Variants in NPAS3 observed in about 807,000 individuals in gnomAD.
NPAS3 encodes neuronal PAS domain-containing protein 3.
NPAS3 carries 14 observed loss-of-function variants against 73.1 expected under a neutral mutation model. The observed-to-expected ratio is 0.19, with a 90% CI of 0.13 to 0.30. The LOEUF (loss-of-function observed/expected upper bound fraction) is 0.30, where lower values mean the gene tolerates loss of function less well. Among genes scored for constraint, NPAS3 ranks in the 10% least tolerant of loss-of-function variants. The probability of loss-of-function intolerance (pLI) is 1.00; values close to 1 mark genes in which losing one functional copy is unlikely to be tolerated. For synonymous variants in NPAS3, 620 were observed against 541.5 expected, an observed-to-expected ratio of 1.14 and a Z score of -2.01; for missense variants, 1,096 against 1,250.0, an observed-to-expected ratio of 0.88 and a Z score of 1.86.
intron 4 of NPAS3, among the ~76,000 whole-genome samples, chr14:33,445,517 G>A (rs1157974038): frequency 2.0e-5 from 3 of 152,110 alleles, no homozygotes; most frequent in Non-Finnish European, 4.4e-5. Flanking sequence ...AGCCAGATGA[G>A]TGAAATATAA....
intron 7 of NPAS3, among the ~76,000 whole-genome samples, chr14:33,741,041 A>G (rs2061643721): frequency 6.6e-6 from 1 of 152,104 alleles, no homozygotes; most frequent in Non-Finnish European, 1.5e-5. Flanking sequence ...TAATGTAGGG[A>G]GCAATGTGGT....
At chr14:33,450,401 T>TCATAATC (rs1178826235) in intron 4 of NPAS3, among the ~76,000 whole-genome samples, 12 of 152,190 alleles carry the variant, frequency 7.9e-5, no homozygotes, top group Non-Finnish European at 1.6e-4. Flanking sequence ...GCAAAGTGAC[T>TCATAATC]CATAATCCAT....
chr14:33,528,014 A>G (rs1343125752), intron 4 of NPAS3, among the ~76,000 whole-genome samples: 2 of 152,250 alleles, frequency 1.3e-5, no homozygotes, highest in East Asian at 3.9e-4. Context: ...CCTTTTTATC[A>G]GTAAACCATA....
intron 4 of NPAS3, among the ~76,000 whole-genome samples, chr14:33,437,753 T>G (rs1257042783): frequency 1.3e-5 from 2 of 152,222 alleles, no homozygotes; most frequent in Non-Finnish European, 2.9e-5. Flanking sequence ...CATTATGGAC[T>G]AGTATATTCA....
intron 2 of NPAS3, among the ~76,000 whole-genome samples, chr14:33,132,047 T>C (rs2043656963): frequency 6.6e-6 from 1 of 152,148 alleles, no homozygotes; most frequent in African/African-American, 2.4e-5. Context: ...AGAGCCATTA[T>C]TTAAGTGGTT....
chr14:33,423,530 T>G (rs1183326124), intron 4 of NPAS3, among the ~76,000 whole-genome samples: 1 of 152,010 alleles, frequency 6.6e-6, no homozygotes, highest in Non-Finnish European at 1.5e-5. Flanking sequence ...AATATCCATT[T>G]TATTTGTTAT....
intron 1 of NPAS3, among the ~76,000 whole-genome samples, chr14:32,994,626 G>GTTTTTT (rs1382696309): frequency 8.2e-6 from 1 of 121,498 alleles, no homozygotes; most frequent in South Asian, 2.6e-4. Context: ...TTGTTTGTTT[G>GTTTTTT]TTTGTTTTTG....
chr14:33,484,748 G>A (rs1042170193), intron 4 of NPAS3, among the ~76,000 whole-genome samples: 9 of 152,136 alleles, frequency 5.9e-5, no homozygotes, highest in South Asian at 4.1e-4. Flanking sequence ...AAAGATTCTC[G>A]TGCCAGAGAT....
intron 1 of NPAS3, among the ~76,000 whole-genome samples, chr14:33,048,079 G>C (rs2040572641): frequency 1.3e-5 from 2 of 151,990 alleles, no homozygotes; most frequent in Admixed American, 1.3e-4. Flanking sequence ...TTGAACTTGG[G>C]GTCAGAAGAG....
At chr14:33,160,726 T>C (rs1377855912) in intron 2 of NPAS3, among the ~76,000 whole-genome samples, 1 of 150,800 alleles carries the variant, frequency 6.6e-6, no homozygotes, top group East Asian at 2.1e-4. Context: ...ATTCTGTTTT[T>C]ATTTATTTAC....
At chr14:33,068,242 T>G (rs1227956551) in intron 2 of NPAS3, among the ~76,000 whole-genome samples, 6 of 152,234 alleles carry the variant, frequency 3.9e-5, no homozygotes, top group Non-Finnish European at 7.3e-5. Context: ...GCTTAGTGTT[T>G]AAAACTTACC....
intron 4 of NPAS3, among the ~76,000 whole-genome samples, chr14:33,522,174 A>T (rs939553662): frequency 6.6e-6 from 1 of 152,220 alleles, no homozygotes; most frequent in Non-Finnish European, 1.5e-5. Flanking sequence ...ATAAACGTAT[A>T]GGCAGACAAA....
chr14:33,240,323 A>G (rs930973901), intron 3 of NPAS3, among the ~76,000 whole-genome samples: 1 of 151,796 alleles, frequency 6.6e-6, no homozygotes, highest in African/African-American at 2.4e-5. Context: ...AAATGTTTAT[A>G]TTAAGCTAAT....
At chr14:33,725,130 A>G (rs8010029) in intron 6 of NPAS3, among the ~76,000 whole-genome samples, 108,804 of 152,030 alleles carry the variant, frequency 0.72, 39,715 homozygotes, top group Admixed American at 0.81. Flanking sequence ...TCCCCTAACA[A>G]TGTCTAATAA....
intron 5 of NPAS3, among the ~76,000 whole-genome samples, chr14:33,652,733 G>A (rs769674131): frequency 1.3e-4 from 20 of 152,158 alleles, no homozygotes; most frequent in Non-Finnish European, 2.4e-4. Context: ...ACTGGAGTCC[G>A]AACACGAGGG....
chr14:33,128,281 T>C (rs2043505732), intron 2 of NPAS3, among the ~76,000 whole-genome samples: 1 of 152,166 alleles, frequency 6.6e-6, no homozygotes, highest in African/African-American at 2.4e-5. Flanking sequence ...AAAATGTGTA[T>C]TGCATCTGTC....
intron 4 of NPAS3, among the ~76,000 whole-genome samples, chr14:33,472,051 A>G (rs563807713): frequency 2.0e-5 from 3 of 152,234 alleles, no homozygotes; most frequent in Non-Finnish European, 1.5e-5. Flanking sequence ...TGGAGCTTGT[A>G]TTCTAGCTGG....
chr14:33,308,525 T>TACAC (rs1280716729), intron 3 of NPAS3, among the ~76,000 whole-genome samples: 912 of 82,380 alleles, frequency 0.011, 39 homozygotes, highest in African/African-American at 0.039. Context: ...TATATATATA[T>TACAC]ATACATACAC....
rs1302017859 is a variant in NPAS3, at chr14:33,800,579, A to C, written c.2272A>C (p.Lys758Gln). Residue 758 changes from lysine (K) to glutamine (Q), a missense_variant, in exon 12 of 12, where the codon AAG becomes CAG. Lys to Gln is a moderately conservative substitution (Grantham distance 53). Transcript: ENST00000356141. The surrounding 1 kb of genome is among the most constrained non-coding windows in gnomAD (Gnocchi z 6.5). ...CCCGCTCTCGGCGTCCCCGCGGGAC[A>C]AGCACCCCGGGAACGGCGGCGGGGG... The C allele has an allele frequency of 1.5e-6, 2 of 1,305,340 alleles. No homozygotes were observed. Among genetic ancestry groups the C allele is most frequent in the East Asian group, 3.2e-5 (1 of 30,864 alleles). The allele number at this position is 1,305,340 out of a possible 1,614,324, so 80.9% of individuals were successfully genotyped here.
Sources: allele counts gnomAD v4.1 joint callset (sites outside exome capture counted in the v4.1 genomes callset), GRCh38; gene constraint gnomAD v4.1.1; non-coding constraint Gnocchi (gnomAD v3.1); transcripts MANE v1.5; gene names NCBI Gene and HGNC (gene_info 2026-07-23, HGNC 2026-07-21).